Variants in INPP4A observed in about 807,000 individuals in gnomAD.
INPP4A encodes the protein inositol polyphosphate-4-phosphatase type I A.
INPP4A carries 33 observed loss-of-function variants against 119.8 expected under a neutral mutation model. The ratio of observed to expected loss-of-function variants is 0.28; its 90% CI spans 0.21 to 0.37. INPP4A has a LOEUF of 0.37. INPP4A is among the 10% of genes least tolerant of loss of function. The pLI is 1.00. For synonymous variants in INPP4A, 496 were observed against 500.7 expected (o/e 0.99, Z 0.12); for missense variants, 956 against 1,289.9 (o/e 0.74, Z 3.97).
intron 1 of INPP4A, among the ~76,000 whole-genome samples, chr2:98,493,128 A>G (rs746619478): frequency 5.3e-5 from 8 of 152,132 alleles, no homozygotes; most frequent in African/African-American, 1.2e-4. Flanking sequence ...TGAAGATTGG[A>G]CAACACTTGG....
At chr2:98,459,064 A>G (rs530898247) in intron 1 of INPP4A, among the ~76,000 whole-genome samples, 215 of 152,384 alleles carry the variant, frequency 1.4e-3, no homozygotes, top group Middle Eastern at 6.8e-3. Context: ...AGCACAGAAT[A>G]TGACACCAAG....
chr2:98,587,146 G>C (rs1700037805), intron 24 of INPP4A, among the ~76,000 whole-genome samples: 1 of 152,124 alleles, frequency 6.6e-6, no homozygotes, highest in African/African-American at 2.4e-5. Context: ...GGGAATCTTT[G>C]AACCACAAGT....
chr2:98,553,791 A>G (rs1693978521), intron 14 of INPP4A, among the ~76,000 whole-genome samples: 1 of 152,262 alleles, frequency 6.6e-6, no homozygotes, highest in Non-Finnish European at 1.5e-5. Flanking sequence ...AGAATTCTCC[A>G]AAACCAGACA....
At chr2:98,471,196 G>A (rs1675942537) in intron 1 of INPP4A, among the ~76,000 whole-genome samples, 1 of 152,182 alleles carries the variant, frequency 6.6e-6, no homozygotes, top group African/African-American at 2.4e-5. Flanking sequence ...ATGCATGTGT[G>A]TGTCTGTGGC....
At chr2:98,482,715 CA>C (rs1335964370) in intron 1 of INPP4A, among the ~76,000 whole-genome samples, 1 of 152,150 alleles carries the variant, frequency 6.6e-6, no homozygotes, top group Non-Finnish European at 1.5e-5. Context: ...GGATGTGATG[CA>C]AAAAGATATA....
rs368133923 is a variant in INPP4A at position 98,546,602 on chromosome 2, C to G, written c.1071C>G (p.Ile357Met). ...GTCATTCAGATCAGAACTACGACAT[C>G]GTCACCATTGGGGCGCCAGCAGCAC... ...DDGGSDQNYD[I>M]VTIGAPAAHC... is the part of the protein sequence containing the mutation. The change falls in exon 13 of 25, where the codon ATC (isoleucine) becomes ATG (methionine). Residue 357 changes from isoleucine to methionine, a missense_variant. Physicochemically the swap from Ile to Met is conservative, Grantham distance 10. This residue lies in a region of INPP4A where 652 missense variants were observed against 797.9 expected (regional missense o/e 0.82). Coordinates refer to ENST00000409851, the MANE Select transcript of INPP4A (RefSeq NM_001134225.2). This position sits in a 1 kb window ranked among gnomAD's most constrained non-coding sequence, Gnocchi z 4.2. The G allele has an allele frequency of 6.2e-7, 1 of 1,612,962 alleles. No individual in the cohort carries two copies. The highest frequency in any genetic ancestry group is 1.3e-5 in the African/African-American group (1 of 74,888).
chr2:98,518,290 A>G (rs1686532715), intron 1 of INPP4A, among the ~76,000 whole-genome samples: 1 of 152,234 alleles, frequency 6.6e-6, no homozygotes, highest in African/African-American at 2.4e-5. Flanking sequence ...GCCCAGACTG[A>G]AGGTCCCTGG....
Position 98,543,835 on chromosome 2 carries a change from C to A in INPP4A, c.819-42C>A, listed in dbSNP as rs193203141. 17 of 1,609,802 alleles carry A rather than the reference C, an allele frequency of 1.1e-5. No homozygotes were observed. The Admixed American group carries it at 2.7e-4, about 25-fold the overall frequency. On this transcript the variant is annotated intron_variant, in intron 10 of 24. Transcript: ENST00000409851. Reference sequence around the variant, plus strand: ...GACCTCCTGGGCCTCTCTGGGGAAACCAGTTAGCCCACAGCCTGATGCATC... The same window carrying A: ...GACCTCCTGGGCCTCTCTGGGGAAAACAGTTAGCCCACAGCCTGATGCATC...
chr2:98,458,433 C>T (rs1023024103), intron 1 of INPP4A, among the ~76,000 whole-genome samples: 1 of 152,166 alleles, frequency 6.6e-6, no homozygotes, highest in African/African-American at 2.4e-5. Flanking sequence ...CAACACGTTT[C>T]CTGGTACCCA....
At chr2:98,495,535 A>G (rs1243010066) in intron 1 of INPP4A, among the ~76,000 whole-genome samples, 1 of 152,196 alleles carries the variant, frequency 6.6e-6, no homozygotes, top group Non-Finnish European at 1.5e-5. Context: ...TCAGGCTACA[A>G]CTTAGTTTTA....
intron 4 of INPP4A, chr2:98,521,247 T>C (rs1425646104): frequency 2.6e-5 from 4 of 152,852 alleles, no homozygotes; most frequent in East Asian, 3.8e-4. Context: ...TGGATCAGAA[T>C]GTGCTGAGTC....
At chr2:98,449,065 G>A (rs932794194) in intron 1 of INPP4A, among the ~76,000 whole-genome samples, 2 of 152,128 alleles carry the variant, frequency 1.3e-5, no homozygotes, top group African/African-American at 4.8e-5. Flanking sequence ...CCCATTCTCT[G>A]GCCCTGCTAA....
chr2:98,530,505 A>G (rs527645347), intron 4 of INPP4A, among the ~76,000 whole-genome samples: 1 of 152,186 alleles, frequency 6.6e-6, no homozygotes, highest in East Asian at 1.9e-4. Context: ...CTCTAGAGTA[A>G]AGGAACCAGA....
Position 98,554,575 on chromosome 2 carries a change from G to T in INPP4A, c.1566+86G>T. 8.5e-7 allele frequency: 1 copy of T among 1,182,418 alleles called. No homozygotes were observed. The highest frequency in any genetic ancestry group is 1.2e-6 in the Non-Finnish European group (1 of 828,108). 73.2% of individuals were successfully genotyped at this position (1,182,418 alleles called of 1,614,324 possible). A position where few individuals can be genotyped will look rare whatever the true frequency, so the allele number is the denominator to read the frequency against. ...TGTTGCCAGTCTCTGCCCCTCTGAA[G>T]TGCCTCAAGGTTCAACTGCTGTGAA... On this transcript the variant is annotated intron_variant, in intron 15 of 24. Coordinates refer to ENST00000409851, the MANE Select transcript of INPP4A (RefSeq NM_001134225.2). The surrounding 1 kb of genome is among the most constrained non-coding windows in gnomAD (Gnocchi z 4.7).
intron 16 of INPP4A, among the ~76,000 whole-genome samples, chr2:98,557,797 C>T (rs1271155061): frequency 6.6e-6 from 1 of 152,236 alleles, no homozygotes; most frequent in East Asian, 1.9e-4. Context: ...CAGCCAAAAC[C>T]ACAGAGGCTC....
chr2:98,461,458 T>C (rs980408151), intron 1 of INPP4A, among the ~76,000 whole-genome samples: 2 of 152,220 alleles, frequency 1.3e-5, no homozygotes. Context: ...CATCCCCTTA[T>C]TGGCTGTGCA....
In INPP4A at chr2:98,470,359, C is replaced by T. The variant is rs13385630; in HGVS notation, c.-166+25274C>T. 4.9e-3 allele frequency among the ~76,000 whole-genome samples: 753 copies of T among 152,386 alleles called. 7 individuals are homozygous for T. Among genetic ancestry groups the T allele is most frequent in the African/African-American group, 0.017 (709 of 41,590 alleles). ...CCCACCTGGGGTTCCCCTGATTGGA[C>T]TCCTGCCTCAGGAGGGGCATGAGAC... On this transcript the variant is annotated intron_variant, in intron 1 of 24. Coordinates refer to ENST00000409851, the MANE Select transcript of INPP4A (RefSeq NM_001134225.2).
chr2:98,476,593 G>T (rs569519847), intron 1 of INPP4A, among the ~76,000 whole-genome samples: 15 of 152,270 alleles, frequency 9.9e-5, no homozygotes, highest in South Asian at 2.1e-4. Context: ...CTTGGGGGAG[G>T]GGTGGCGCTC....
At chr2:98,504,698 C>T (rs535166665) in intron 1 of INPP4A, among the ~76,000 whole-genome samples, 20 of 152,296 alleles carry the variant, frequency 1.3e-4, no homozygotes, top group African/African-American at 4.6e-4. Flanking sequence ...TTTATTTTCT[C>T]GTGAAGCCAA....
Sources: gnomAD v4.1 joint callset for allele counts (sites outside exome capture counted in the v4.1 genomes callset) on GRCh38, gnomAD v4.1.1 for gene constraint, gnomAD v4.1.1 regional missense constraint, Gnocchi (gnomAD v3.1) non-coding constraint, MANE v1.5 for transcripts, NCBI Gene and HGNC (gene_info 2026-07-23, HGNC 2026-07-21) for gene names.